The following CD226 variants were observed in gnomAD, a reference collection of about 807,000 sequenced individuals.
CD226 encodes CD226 molecule, also known as CD226 antigen.
A neutral mutation model predicts 34.9 loss-of-function variants in CD226; 24 were observed. The ratio of observed to expected loss-of-function variants is 0.69; its 90% CI spans 0.50 to 0.97. CD226 has a LOEUF of 0.97. CD226 is among the 50% of genes least tolerant of loss of function. The pLI is 0.00. For synonymous variants in CD226, 148 were observed against 147.4 expected (o/e 1.00, Z -0.03); for missense variants, 397 against 412.7 (o/e 0.96, Z 0.33).
chr18:69,922,822 C>T (rs1389145943), intron 2 of CD226, among the ~76,000 whole-genome samples: 1 of 152,158 alleles, frequency 6.6e-6, no homozygotes, highest in African/African-American at 2.4e-5. Flanking sequence ...GGCATGAGAG[C>T]AGTTTTGAAA....
At chr18:69,938,021 T>G (rs2048736773) in intron 2 of CD226, among the ~76,000 whole-genome samples, 1 of 152,130 alleles carries the variant, frequency 6.6e-6, no homozygotes, top group African/African-American at 2.4e-5. Flanking sequence ...GATAAGAGCC[T>G]TCTAAGAATG....
At chr18:69,866,623 C>G (rs1983163517) in intron 5 of CD226, among the ~76,000 whole-genome samples, 1 of 152,186 alleles carries the variant, frequency 6.6e-6, no homozygotes, top group Admixed American at 6.5e-5. Context: ...ATTTAACCAT[C>G]ACAATAACCT....
At chr18:69,886,925 C>T (rs1984590597) in intron 3 of CD226, among the ~76,000 whole-genome samples, 1 of 152,056 alleles carries the variant, frequency 6.6e-6, no homozygotes, top group Non-Finnish European at 1.5e-5. Context: ...TCCCTAAGTG[C>T]TCTACAAAAC....
chr18:69,943,352 G>A (rs1054344984), intron 2 of CD226, among the ~76,000 whole-genome samples: 1 of 152,332 alleles, frequency 6.6e-6, no homozygotes, highest in African/African-American at 2.4e-5. Context: ...AACTCTGCTA[G>A]AAAGGGCTAT....
At position 69,945,830 on chromosome 18, in the gene CD226, A is replaced by T. The variant is rs185959121; in HGVS notation, c.382+904T>A. ...CACCACATGTCTGGGGAAGCCTCAC[A>T]ATCAAGGTGGAAGGCAAGGAGAAGT... On this transcript the variant is annotated intron_variant, in intron 2 of 5. Coordinates refer to ENST00000582621, the MANE Select transcript of CD226 (RefSeq NM_001303618.2). Among the ~76,000 whole-genome samples, 54 of 152,302 alleles carry T rather than the reference A, an allele frequency of 3.5e-4. 1 individual carries two copies. The highest frequency in any genetic ancestry group is 7.1e-4 in the Non-Finnish European group (48 of 68,022).
chr18:69,890,303 C>T (rs1278932879), intron 3 of CD226, among the ~76,000 whole-genome samples: 3 of 152,018 alleles, frequency 2.0e-5, no homozygotes, highest in Admixed American at 2.0e-4. Context: ...TGGAACATTA[C>T]AAATAGATGC....
Position 69,955,916 on chromosome 18 carries a change from GC to G in CD226, c.-28+838del, listed in dbSNP as rs531059064. Among the ~76,000 whole-genome samples the G allele has an allele frequency of 2.7e-3, 406 of 148,878 alleles. 2 individuals are homozygous for G. Among genetic ancestry groups the G allele is most frequent in the Non-Finnish European group, 5.0e-3 (337 of 67,324 alleles). ...CAGGAACACAATAGTCTGGGTTTCT[GC>G]TCCCTTCCTCAAATAATCTCATTAA... On this transcript the variant is annotated intron_variant, in intron 1 of 6. Coordinates refer to the CD226 transcript ENST00000280200.
chr18:69,927,491 T>G (rs911934041), intron 2 of CD226, among the ~76,000 whole-genome samples: 1 of 152,124 alleles, frequency 6.6e-6, no homozygotes, highest in Admixed American at 6.6e-5. Flanking sequence ...TCAGAACTCT[T>G]TTTATCTCAC....
chr18:69,934,102 T>C (rs144251869), intron 2 of CD226, among the ~76,000 whole-genome samples: 3 of 152,314 alleles, frequency 2.0e-5, no homozygotes, highest in African/African-American at 7.2e-5. Flanking sequence ...ATACAACAAC[T>C]GAATTCTTTG....
chr18:69,937,154 C>T (rs2055664412), intron 2 of CD226, among the ~76,000 whole-genome samples: 1 of 152,166 alleles, frequency 6.6e-6, no homozygotes, highest in Non-Finnish European at 1.5e-5. Flanking sequence ...AGCAGCAATT[C>T]AACATGTCAA....
At chr18:69,960,780 T>C (rs2055926149), upstream of CD226, among the ~76,000 whole-genome samples, 1 of 152,188 alleles carries the variant, frequency 6.6e-6, no homozygotes, top group South Asian at 2.1e-4. Context: ...TATCCTTTCC[T>C]GGGAAAGACT....
At position 69,856,440 on chromosome 18, in the gene CD226, G is replaced by A. The variant is rs745640781; in HGVS notation, c.*7874C>T. 3 of 152,112 alleles carry A rather than the reference G, an allele frequency of 2.0e-5. No individual in the cohort carries two copies. Among genetic ancestry groups the A allele is most frequent in the Non-Finnish European group, 4.4e-5 (3 of 67,992 alleles). 9.4% of individuals were successfully genotyped at this position (152,112 alleles called of 1,614,324 possible). On this transcript the variant is annotated 3_prime_UTR_variant, in exon 6 of 6. Transcript: ENST00000582621. Reference sequence around the variant, plus strand: ...CAGAAAGGATATAGATAATCTGAACGGTGGTATCAATCAGTTTAATCTAAT... The same window carrying A: ...CAGAAAGGATATAGATAATCTGAACAGTGGTATCAATCAGTTTAATCTAAT...
In CD226 at chr18:69,953,186, GA is replaced by G. The variant is rs140567649; in HGVS notation, c.-28+3568del. ...AGAGATTCTTCAAAACGTTCAACAG[GA>G]TTACTGTATGACCCAGAAGTTTTAT... On this transcript the variant is annotated intron_variant, in intron 1 of 6. Transcript: ENST00000280200. Among the ~76,000 whole-genome samples, 1,030 of 152,288 alleles carry G rather than the reference GA, an allele frequency of 6.8e-3. 4 individuals are homozygous for G. Among genetic ancestry groups the G allele is most frequent in the Middle Eastern group, 0.01 (3 of 294 alleles).
Position 69,861,576 on chromosome 18 carries a change from A to ATATATATAT in CD226, c.*2737_*2738insATATATATA, listed in dbSNP as rs1555675841. On this transcript the variant is annotated 3_prime_UTR_variant, in exon 6 of 6. Coordinates refer to ENST00000582621, the MANE Select transcript of CD226 (RefSeq NM_001303618.2). ...TATGTATATATATATATATATATGT[A>ATATATATAT]AAACTTAAGAAGCATTTTGCTTCCA... 2 of 146,736 alleles carry ATATATATAT rather than the reference A, an allele frequency of 1.4e-5. No individual in the cohort carries two copies. Among genetic ancestry groups the ATATATATAT allele is most frequent in the Non-Finnish European group, 3.0e-5 (2 of 66,550 alleles). The allele number at this position is 146,736 out of a possible 1,614,324, so 9.1% of individuals were successfully genotyped here. A position where few individuals can be genotyped will look rare whatever the true frequency, so the allele number is the denominator to read the frequency against.
chr18:69,871,160 G>A (rs1274190423), intron 4 of CD226, among the ~76,000 whole-genome samples: 1 of 152,176 alleles, frequency 6.6e-6, no homozygotes, highest in Non-Finnish European at 1.5e-5. Context: ...ACCACTCGCT[G>A]TCTCTTAGTC....
Position 69,860,797 on chromosome 18 carries a change from T to A in CD226, c.*3517A>T, listed in dbSNP as rs886407762. The A allele has an allele frequency of 6.6e-6, 1 of 152,174 alleles. No individual in the cohort carries two copies. The highest frequency in any genetic ancestry group is 2.1e-4 in the South Asian group (1 of 4,834). The allele number at this position is 152,174 out of a possible 1,614,324, so 9.4% of individuals were successfully genotyped here. A position where few individuals can be genotyped will look rare whatever the true frequency, so the allele number is the denominator to read the frequency against. ...CATGTTTATATTGTCTTATATTTTT[T>A]AAAGATATTTTCTTATCACTGTTGT... On this transcript the variant is annotated 3_prime_UTR_variant, in exon 6 of 6. Coordinates refer to ENST00000582621, the MANE Select transcript of CD226 (RefSeq NM_001303618.2).
chr18:69,940,046 GT>G (rs2055704004), intron 2 of CD226, among the ~76,000 whole-genome samples: 2 of 152,168 alleles, frequency 1.3e-5, no homozygotes, highest in South Asian at 4.1e-4. Flanking sequence ...CATGGGGGTG[GT>G]TTCCCCCATC....
At chr18:69,909,044 T>C (rs143148166) in intron 2 of CD226, among the ~76,000 whole-genome samples, 120 of 152,352 alleles carry the variant, frequency 7.9e-4, no homozygotes, top group Non-Finnish European at 6.8e-4. Context: ...CATTTCAAAA[T>C]AGGCTAACCA....
intron 5 of CD226, among the ~76,000 whole-genome samples, chr18:69,865,633 T>C (rs74523488): frequency 0.04 from 6,027 of 152,210 alleles, 158 homozygotes; most frequent in Admixed American, 0.058. Context: ...GCTGATGAAA[T>C]AAAGCAAGGT....
Sources: allele counts gnomAD v4.1 joint callset (sites outside exome capture counted in the v4.1 genomes callset), GRCh38; gene constraint gnomAD v4.1.1; transcripts MANE v1.5; gene names NCBI Gene and HGNC (gene_info 2026-07-23, HGNC 2026-07-21).